Variants in PRKCB observed in about 807,000 individuals in gnomAD.
PRKCB encodes protein kinase C beta type.
In PRKCB, 13 loss-of-function variants were observed where a neutral mutation model predicts 81.5. The ratio of observed to expected loss-of-function variants is 0.16; its 90% CI spans 0.10 to 0.25. The LOEUF (loss-of-function observed/expected upper bound fraction) is 0.25. PRKCB is among the 10% of genes least tolerant of loss of function. The probability of loss-of-function intolerance (pLI) is 1.00; values close to 1 mark genes in which losing one functional copy is unlikely to be tolerated. For synonymous variants in PRKCB, 335 were observed against 321.4 expected (o/e 1.04, Z -0.45); for missense variants, 509 against 875.7 (o/e 0.58, Z 5.29).
intron 5 of PRKCB, among the ~76,000 whole-genome samples, chr16:24,039,558 C>T (rs148671501): frequency 9.5e-4 from 145 of 152,272 alleles, no homozygotes; most frequent in Non-Finnish European, 1.7e-3. Context: ...CCACCCAGTC[C>T]ATGGTATTCT....
rs549390601 is a variant in PRKCB at position 24,047,112 on chromosome 16, G to A, written c.529+11565G>A. Among the ~76,000 whole-genome samples the A allele has an allele frequency of 2.0e-5, 3 of 152,168 alleles. No homozygotes were observed. In the East Asian group the frequency reaches 5.8e-4, roughly 29 times the overall value. On this transcript the variant is annotated intron_variant, in intron 5 of 16. Coordinates refer to ENST00000643927, the MANE Select transcript of PRKCB (RefSeq NM_002738.7). ...CCAGCACTTGGGGAGTCTGAGGTGG[G>A]TGGATCACAAGGTCAGGCGTTCGAG...
rs79839596 is a variant in PRKCB at position 23,873,512 on chromosome 16, C to T, written c.205+36106C>T. 3.0e-3 allele frequency among the ~76,000 whole-genome samples: 455 copies of T among 152,328 alleles called. 1 individual carries two copies. Among genetic ancestry groups the T allele is most frequent in the African/African-American group, 0.011 (441 of 41,568 alleles). On this transcript the variant is annotated intron_variant, in intron 2 of 16. Transcript: ENST00000643927. ...CTTTGGTTCCTGCAGGTCTGACTTT[C>T]TCCTTTTTCTGTTGATGGTCTTTCT... is the stretch of plus-strand genomic sequence containing the variant.
At chr16:23,977,258 G>T (rs574905684) in intron 2 of PRKCB, among the ~76,000 whole-genome samples, 11 of 152,162 alleles carry the variant, frequency 7.2e-5, no homozygotes, top group Non-Finnish European at 1.6e-4. Context: ...AGATGGAACA[G>T]ACCCTCCCAG....
chr16:24,154,232 T>C (rs915055763), intron 9 of PRKCB, among the ~76,000 whole-genome samples: 12 of 152,172 alleles, frequency 7.9e-5, no homozygotes, highest in African/African-American at 2.7e-4. Flanking sequence ...CCTGTAATCT[T>C]AGCACTTTGG....
intron 13 of PRKCB, among the ~76,000 whole-genome samples, chr16:24,182,305 G>A (rs978029105): frequency 6.6e-6 from 1 of 152,048 alleles, no homozygotes; most frequent in African/African-American, 2.4e-5. Context: ...GATCGCTTGA[G>A]GGTAGAAGTT....
rs945563282 is a variant in PRKCB at position 24,057,181 on chromosome 16, G to T, written c.529+21634G>T. On this transcript the variant is annotated intron_variant, in intron 5 of 16. Coordinates refer to ENST00000643927, the MANE Select transcript of PRKCB (RefSeq NM_002738.7). ...ATTGTTCAGACTCTGCCCTTCTCTG[G>T]CAGGCACACTTTTGGGAATGGGAAG... Among the ~76,000 whole-genome samples, 4 of 152,222 alleles carry T rather than the reference G, an allele frequency of 2.6e-5. No individual in the cohort carries two copies. In the South Asian group the frequency reaches 8.3e-4, roughly 32 times the overall value.
At chr16:23,918,216 A>T (rs576091037) in intron 2 of PRKCB, among the ~76,000 whole-genome samples, 8 of 152,212 alleles carry the variant, frequency 5.3e-5, no homozygotes, top group African/African-American at 1.2e-4. Context: ...GATGGTGGTG[A>T]TGGAGAAGCA....
At chr16:23,837,857 G>A (rs1962194480) in intron 2 of PRKCB, among the ~76,000 whole-genome samples, 1 of 152,178 alleles carries the variant, frequency 6.6e-6, no homozygotes, top group African/African-American at 2.4e-5. Flanking sequence ...TCTGCAGATG[G>A]TGCATCCCCT....
At chr16:24,032,688 T>C (rs1282600054) in intron 4 of PRKCB, among the ~76,000 whole-genome samples, 1 of 152,114 alleles carries the variant, frequency 6.6e-6, no homozygotes, top group Non-Finnish European at 1.5e-5. Flanking sequence ...CCTCCGTGCA[T>C]GCACGGAGGT....
intron 12 of PRKCB, among the ~76,000 whole-genome samples, chr16:24,176,644 A>G (rs1052041738): frequency 1.1e-4 from 16 of 152,270 alleles, no homozygotes; most frequent in African/African-American, 3.6e-4. Context: ...TGTAAACCCA[A>G]CACATAGGGA....
At chr16:24,103,434 T>C (rs4787328) in intron 7 of PRKCB, among the ~76,000 whole-genome samples, 30,830 of 152,146 alleles carry the variant, frequency 0.2, 5,999 homozygotes, top group African/African-American at 0.51. Context: ...CCTGTTTTCT[T>C]TCCTTTCTTT....
At chr16:23,848,554 G>A (rs779025437) in intron 2 of PRKCB, among the ~76,000 whole-genome samples, 10 of 152,080 alleles carry the variant, frequency 6.6e-5, no homozygotes, top group South Asian at 4.1e-4. Context: ...CCTTAGACGC[G>A]GAGGGCCGTA....
intron 16 of PRKCB, among the ~76,000 whole-genome samples, chr16:24,193,697 G>A (rs1197010749): frequency 6.6e-6 from 1 of 152,080 alleles, no homozygotes; most frequent in Non-Finnish European, 1.5e-5. Context: ...AGAGGTCACA[G>A]ACTCAGATGC....
chr16:23,973,567 A>G (rs1049731669), intron 2 of PRKCB, among the ~76,000 whole-genome samples: 1 of 152,168 alleles, frequency 6.6e-6, no homozygotes, highest in Admixed American at 6.5e-5. Context: ...TTTATGGTTG[A>G]AAATAACAAA....
At chr16:24,207,208 A>G (rs1326183307) in intron 16 of PRKCB, among the ~76,000 whole-genome samples, 1 of 152,240 alleles carries the variant, frequency 6.6e-6, no homozygotes, top group East Asian at 1.9e-4. Flanking sequence ...AAGATGAAGC[A>G]TGTTAAAGTA....
intron 9 of PRKCB, among the ~76,000 whole-genome samples, chr16:24,132,120 A>G (rs1966854209): frequency 6.6e-6 from 1 of 152,142 alleles, no homozygotes; most frequent in South Asian, 2.1e-4. Flanking sequence ...GAGATTTTCT[A>G]CCTTCATTTC....
chr16:24,124,390 C>T (rs1352238254), intron 9 of PRKCB, among the ~76,000 whole-genome samples: 2 of 152,136 alleles, frequency 1.3e-5, no homozygotes, highest in Admixed American at 6.5e-5. Flanking sequence ...CAGAGATAAG[C>T]AGGGCCCAAG....
chr16:23,855,964 G>T (rs1303334175), intron 2 of PRKCB, among the ~76,000 whole-genome samples: 4 of 152,126 alleles, frequency 2.6e-5, no homozygotes, highest in African/African-American at 9.7e-5. Flanking sequence ...GTTTTGAGGG[G>T]GCTGCATTTG....
chr16:24,089,612 T>G (rs1008385705), intron 5 of PRKCB, among the ~76,000 whole-genome samples: 3 of 152,048 alleles, frequency 2.0e-5, no homozygotes, highest in Non-Finnish European at 4.4e-5. Context: ...TCTACAAAAA[T>G]TTTTTTAAAA....
Sources: gnomAD v4.1 joint callset for allele counts (sites outside exome capture counted in the v4.1 genomes callset) on GRCh38, gnomAD v4.1.1 for gene constraint, MANE v1.5 for transcripts, NCBI Gene and HGNC (gene_info 2026-07-23, HGNC 2026-07-21) for gene names.